The following DDAH1 variants were observed in gnomAD, a reference collection of about 807,000 sequenced individuals.
The protein encoded by DDAH1 is N(G),N(G)-dimethylarginine dimethylaminohydrolase 1.
DDAH1 carries 19 observed loss-of-function variants against 28.8 expected under a neutral mutation model. The ratio of observed to expected loss-of-function variants is 0.66; its 90% CI spans 0.46 to 0.97. DDAH1 has a LOEUF of 0.97. Ranked by LOEUF, DDAH1 falls within the 50% of genes least tolerant of loss-of-function variation. DDAH1 has a pLI of 0.00. For synonymous variants in DDAH1, 153 were observed against 154.4 expected, an observed-to-expected ratio of 0.99 and a Z score of 0.07; for missense variants, 326 against 375.9, an observed-to-expected ratio of 0.87 and a Z score of 1.10.
chr1:85,573,558 T>C (rs765411485), intron 1 of DDAH1, among the ~76,000 whole-genome samples: 20 of 152,230 alleles, frequency 1.3e-4, no homozygotes, highest in Non-Finnish European at 1.8e-4. Context: ...GAGTTAGGAA[T>C]GCTGGCTTCC....
intron 4 of DDAH1, among the ~76,000 whole-genome samples, chr1:85,326,064 G>C (rs1023429915): frequency 2.0e-5 from 3 of 152,332 alleles, no homozygotes; most frequent in Non-Finnish European, 2.9e-5. Flanking sequence ...TGGATAGTAA[G>C]ATTTATGGTA....
intron 1 of DDAH1, among the ~76,000 whole-genome samples, chr1:85,508,685 G>A (rs934070937): frequency 2.6e-5 from 4 of 152,360 alleles, no homozygotes; most frequent in East Asian, 1.9e-4. Context: ...GCCTGGCTCC[G>A]CAGGTCCCAC....
In DDAH1 at chr1:85,480,321, A is replaced by C. The variant is rs191415860; in HGVS notation, c.-7+15845T>G. The stretch of plus-strand genomic sequence containing the variant: ...CTTAAGCTTCTAATAAAACCTAATA[A>C]ACCTATTCAGGATAGGATCTCAGAT... On this transcript the variant is annotated intron_variant, in intron 2 of 6. Transcript: ENST00000426972. Among the ~76,000 whole-genome samples, 484 of 152,204 alleles carry C rather than the reference A, an allele frequency of 3.2e-3. 3 individuals are homozygous for C. The highest frequency in any genetic ancestry group is 4.9e-3 in the Non-Finnish European group (333 of 68,010).
At chr1:85,457,911 G>C (rs752061260) in intron 1 of DDAH1, among the ~76,000 whole-genome samples, 1 of 152,158 alleles carries the variant, frequency 6.6e-6, no homozygotes, top group Non-Finnish European at 1.5e-5. Context: ...GGCTGGTTTT[G>C]AACTCCTGAC....
chr1:85,426,545 A>C (rs1214343959), intron 1 of DDAH1, among the ~76,000 whole-genome samples: 1 of 152,224 alleles, frequency 6.6e-6, no homozygotes, highest in Admixed American at 6.5e-5. Context: ...TAAGTAGGTA[A>C]CAAGCTACTC....
chr1:85,485,549 C>T (rs1215291133), intron 2 of DDAH1, among the ~76,000 whole-genome samples: 1 of 152,080 alleles, frequency 6.6e-6, no homozygotes, highest in Non-Finnish European at 1.5e-5. Flanking sequence ...GAACTAAAGT[C>T]CTGCAAATTT....
intron 1 of DDAH1, among the ~76,000 whole-genome samples, chr1:85,420,893 A>T (rs913359312): frequency 3.3e-5 from 5 of 152,136 alleles, no homozygotes; most frequent in Admixed American, 1.3e-4. Context: ...TTATAAAGAA[A>T]AGAGGTTTAA....
At chr1:85,341,036 C>T (rs1648443504) in intron 4 of DDAH1, among the ~76,000 whole-genome samples, 1 of 152,116 alleles carries the variant, frequency 6.6e-6, no homozygotes, top group Admixed American at 6.6e-5. Context: ...TTGATCAATC[C>T]CTCTCCAGAA....
chr1:85,468,827 C>A (rs1655514592), upstream of DDAH1, among the ~76,000 whole-genome samples: 1 of 152,106 alleles, frequency 6.6e-6, no homozygotes, highest in African/African-American at 2.4e-5. Flanking sequence ...CGGGAACTCT[C>A]CTTTATTAAA....
intron 1 of DDAH1, among the ~76,000 whole-genome samples, chr1:85,559,074 A>G (rs1659067940): frequency 1.3e-5 from 2 of 152,202 alleles, no homozygotes; most frequent in Admixed American, 6.5e-5. Context: ...AAAAGAATTC[A>G]TACCCCTGAC....
chr1:85,389,980 G>A lies in DDAH1; in HGVS notation c.304-31133C>T, dbSNP rs149182221. 5.4e-3 allele frequency among the ~76,000 whole-genome samples: 820 copies of A among 152,250 alleles called. 3 individuals carry two copies. The highest frequency in any genetic ancestry group is 7.6e-3 in the Non-Finnish European group (518 of 68,004). ...ATTCTAGAAGACCTCAACTTCTAAC[G>A]AAAAACAGAAGCATCTTTTTTACTA... On this transcript the variant is annotated intron_variant, in intron 1 of 5. Coordinates refer to ENST00000284031, the MANE Select transcript of DDAH1 (RefSeq NM_012137.4).
At chr1:85,561,935 C>A (rs918753403) in intron 1 of DDAH1, among the ~76,000 whole-genome samples, 12 of 152,132 alleles carry the variant, frequency 7.9e-5, no homozygotes, top group African/African-American at 2.7e-4. Flanking sequence ...ATTCCTTTTG[C>A]AGTTTCTTTC....
At chr1:85,577,743 G>A (rs1177771087) in intron 1 of DDAH1, among the ~76,000 whole-genome samples, 1 of 152,032 alleles carries the variant, frequency 6.6e-6, no homozygotes, top group African/African-American at 2.4e-5. Context: ...CCGCCAGACA[G>A]TGAGCCCTTC....
At chr1:85,544,021 T>C (rs1658546032) in intron 1 of DDAH1, among the ~76,000 whole-genome samples, 1 of 152,174 alleles carries the variant, frequency 6.6e-6, no homozygotes, top group South Asian at 2.1e-4. Context: ...TCATTGGTAC[T>C]AGAACTCCAT....
chr1:85,459,322 G>A (rs952687258), intron 1 of DDAH1, among the ~76,000 whole-genome samples: 1 of 152,184 alleles, frequency 6.6e-6, no homozygotes, highest in Non-Finnish European at 1.5e-5. Context: ...AAGAATCTCT[G>A]CAGAAAGCTC....
chr1:85,383,020 C>A (rs562436669), intron 1 of DDAH1, among the ~76,000 whole-genome samples: 137 of 152,316 alleles, frequency 9.0e-4, no homozygotes, highest in African/African-American at 2.9e-3. Flanking sequence ...TTTTTTTACA[C>A]CTGCTGACAC....
chr1:85,518,505 T>C (rs1243384751), intron 1 of DDAH1, among the ~76,000 whole-genome samples: 3 of 152,068 alleles, frequency 2.0e-5, no homozygotes, highest in Non-Finnish European at 4.4e-5. Flanking sequence ...CTCTTGCTTG[T>C]CCCTGCACAT....
chr1:85,526,230 C>T (rs552874212), intron 1 of DDAH1, among the ~76,000 whole-genome samples: 12 of 152,294 alleles, frequency 7.9e-5, no homozygotes, highest in African/African-American at 2.4e-4. Context: ...GAAAGAGAGA[C>T]GAGGAGAGAA....
intron 2 of DDAH1, among the ~76,000 whole-genome samples, chr1:85,358,211 T>C (rs1649586451): frequency 6.6e-6 from 1 of 152,216 alleles, no homozygotes; most frequent in African/African-American, 2.4e-5. Flanking sequence ...AATATGCAAA[T>C]GTATATATAC....
Sources: allele counts gnomAD v4.1 joint callset (sites outside exome capture counted in the v4.1 genomes callset), GRCh38; gene constraint gnomAD v4.1.1; transcripts MANE v1.5; gene names NCBI Gene and HGNC (gene_info 2026-07-23, HGNC 2026-07-21).